The following GATA4 variants were observed in gnomAD, a reference collection of about 807,000 sequenced individuals.
GATA4 encodes the protein transcription factor GATA-4.
Under a neutral mutation model 37.9 loss-of-function variants are expected in GATA4, and 7 were observed. The ratio of observed to expected loss-of-function variants is 0.18; its 90% CI spans 0.11 to 0.35. The LOEUF (loss-of-function observed/expected upper bound fraction) is 0.35. Among genes scored for constraint, GATA4 ranks in the 10% least tolerant of loss-of-function variants. The pLI, the probability that GATA4 is intolerant of heterozygous loss-of-function variation, is 1.00. For synonymous variants in GATA4, 372 were observed against 292.6 expected, an observed-to-expected ratio of 1.27 and a Z score of -2.77; for missense variants, 647 against 653.0, an observed-to-expected ratio of 0.99 and a Z score of 0.10.
chr8:11,753,684 G>A (rs1802415181), intron 4 of GATA4, among the ~76,000 whole-genome samples: 1 of 152,096 alleles, frequency 6.6e-6, no homozygotes, highest in Non-Finnish European at 1.5e-5. Flanking sequence ...TGGGGTCGGG[G>A]GGTGCAAGTG....
At chr8:11,752,805 A>T (rs893265008) in intron 4 of GATA4, among the ~76,000 whole-genome samples, 2 of 152,250 alleles carry the variant, frequency 1.3e-5, no homozygotes, top group Non-Finnish European at 2.9e-5. Flanking sequence ...GAACAAGCAA[A>T]TGGCTAAAGT....
intron 2 of GATA4, among the ~76,000 whole-genome samples, chr8:11,737,131 T>C (rs1447160300): frequency 1.3e-5 from 2 of 151,034 alleles, no homozygotes; most frequent in African/African-American, 4.9e-5. Context: ...CTCGGTTTGA[T>C]TAAGTAATCC....
rs963223671 is a variant in GATA4, at chr8:11,749,628, A to C, written c.787-483A>C. Among the ~76,000 whole-genome samples, 2 of 152,214 alleles carry C rather than the reference A, an allele frequency of 1.3e-5. No homozygotes were observed. Among genetic ancestry groups the C allele is most frequent in the Non-Finnish European group, 2.9e-5 (2 of 68,038 alleles). On this transcript the variant is annotated intron_variant, in intron 3 of 6. Transcript: ENST00000532059. The surrounding 1 kb of genome is among the most constrained non-coding windows in gnomAD (Gnocchi z 4.6). Reference sequence around the variant, plus strand: ...TATAATTTGATTCTGGTCAACACCAACCAGCTTGCACTATATTAAGGAGGG... The same window carrying C: ...TATAATTTGATTCTGGTCAACACCACCCAGCTTGCACTATATTAAGGAGGG...
chr8:11,739,784 G>T (rs1585663662), intron 2 of GATA4, among the ~76,000 whole-genome samples: 1 of 151,810 alleles, frequency 6.6e-6, no homozygotes, highest in Non-Finnish European at 1.5e-5. Flanking sequence ...TTTCTGTCGT[G>T]TGCGGAAGGC....
intron 2 of GATA4, among the ~76,000 whole-genome samples, chr8:11,733,313 G>C (rs911987201): frequency 1.3e-5 from 2 of 152,194 alleles, no homozygotes; most frequent in African/African-American, 4.8e-5. Flanking sequence ...AAATTTATAT[G>C]AAAGAGTTAT....
At chr8:11,693,643 C>A (rs1052122588) in intron 1 of GATA4, among the ~76,000 whole-genome samples, 1 of 148,674 alleles carries the variant, frequency 6.7e-6, no homozygotes, top group South Asian at 2.1e-4. Context: ...ATGAGGAGAC[C>A]GAGGGCCAGA....
At chr8:11,705,307 C>A (rs1308181224) in intron 1 of GATA4, among the ~76,000 whole-genome samples, 2 of 152,182 alleles carry the variant, frequency 1.3e-5, no homozygotes, top group Non-Finnish European at 2.9e-5. Flanking sequence ...GCTCCGCACA[C>A]GTCTGTGTCT....
intron 2 of GATA4, among the ~76,000 whole-genome samples, chr8:11,712,540 T>C (rs1486960973): frequency 4.6e-5 from 7 of 151,688 alleles, no homozygotes; most frequent in Non-Finnish European, 7.4e-5. Context: ...ATATTGACCA[T>C]TTTATAGGAA....
chr8:11,680,548 G>A, intron 1 of GATA4: 1 of 985,458 alleles, frequency 1.0e-6, no homozygotes, highest in Non-Finnish European at 1.2e-6. Context: ...GACGTCCTTC[G>A]TGGTCGCACG....
intron 3 of GATA4, 60 bp from the exon 4 acceptor site, chr8:11,750,051 G>A: frequency 6.2e-7 from 1 of 1,612,668 alleles, no homozygotes; most frequent in Non-Finnish European, 8.5e-7. Flanking sequence ...CCACACGCGA[G>A]GTGGAAGGGC....
Position 11,743,725 on chromosome 8 carries a change from C to T in GATA4, c.617-5191C>T, listed in dbSNP as rs117514432. Among the ~76,000 whole-genome samples, 298 of 152,312 alleles carry T rather than the reference C, an allele frequency of 2.0e-3. 1 individual carries two copies. The highest frequency in any genetic ancestry group is 8.9e-3 in the East Asian group (46 of 5,184). On this transcript the variant is annotated intron_variant, in intron 2 of 6. Transcript: ENST00000532059. Reference sequence around the variant, plus strand: ...AGGTCGGTGTCTTTGCCTCTGGCTGCGTCAGTTCTTTGTAGGGAAGTCAGG... The same window carrying T: ...AGGTCGGTGTCTTTGCCTCTGGCTGTGTCAGTTCTTTGTAGGGAAGTCAGG...
chr8:11,743,152 A>G (rs559190486), intron 2 of GATA4, among the ~76,000 whole-genome samples: 28 of 152,344 alleles, frequency 1.8e-4, no homozygotes, highest in African/African-American at 6.3e-4. Context: ...GCTGGGCACC[A>G]CTGTGAGGCC....
chr8:11,678,681 G>A (rs1228107725), intron 1 of GATA4, among the ~76,000 whole-genome samples: 4 of 152,214 alleles, frequency 2.6e-5, no homozygotes, highest in African/African-American at 9.7e-5. Flanking sequence ...AGTATTTGTA[G>A]TACTAGCAAA....
chr8:11,692,998 C>A (rs1426032059), intron 1 of GATA4: 42 of 985,244 alleles, frequency 4.3e-5, no homozygotes, highest in Non-Finnish European at 5.1e-5. Context: ...CCGGGCTGCA[C>A]CCCCGGCCGC....
chr8:11,728,230 C>T (rs1248662158), intron 2 of GATA4, among the ~76,000 whole-genome samples: 3 of 152,232 alleles, frequency 2.0e-5, no homozygotes, highest in African/African-American at 7.2e-5. Context: ...GTCAGGTGAT[C>T]CACCGCCCTT....
At chr8:11,687,537 A>G (rs1336683279) in intron 1 of GATA4, among the ~76,000 whole-genome samples, 4 of 152,204 alleles carry the variant, frequency 2.6e-5, no homozygotes, top group African/African-American at 7.2e-5. Context: ...AAGTGGTATC[A>G]CATACATCAC....
chr8:11,750,350 T>A, intron 4 of GATA4, 114 bp downstream of exon 4: 2 of 1,450,470 alleles, frequency 1.4e-6, no homozygotes, highest in Non-Finnish European at 1.9e-6. Context: ...ACAAAGAGAC[T>A]TAGATTTGGA....
At chr8:11,728,287 C>T (rs867173161) in intron 2 of GATA4, among the ~76,000 whole-genome samples, 12 of 152,344 alleles carry the variant, frequency 7.9e-5, no homozygotes, top group Middle Eastern at 3.4e-3. Flanking sequence ...CTGCACCCAG[C>T]CAAATATTAG....
intron 1 of GATA4, among the ~76,000 whole-genome samples, chr8:11,704,813 GC>G: frequency 6.6e-6 from 1 of 152,248 alleles, no homozygotes. Flanking sequence ...GCTCTGAGGT[GC>G]GGAGAGGCTG....
Sources: gnomAD v4.1 joint callset for allele counts (sites outside exome capture counted in the v4.1 genomes callset) on GRCh38, gnomAD v4.1.1 for gene constraint, Gnocchi (gnomAD v3.1) non-coding constraint, MANE v1.5 for transcripts, NCBI Gene and HGNC (gene_info 2026-07-23, HGNC 2026-07-21) for gene names.